DGKI: variants seen among roughly 807,000 people sequenced by gnomAD.
The protein encoded by DGKI is diacylglycerol kinase iota, also known as DAG kinase iota.
In DGKI, 55 loss-of-function variants were observed where a neutral mutation model predicts 147.5. That is an observed-to-expected ratio of 0.37 (90% CI 0.30 to 0.47). DGKI has a LOEUF of 0.47. Ranked by LOEUF, DGKI falls within the 20% of genes least tolerant of loss-of-function variation. DGKI has a pLI of 1.00. For synonymous variants in DGKI, 469 were observed against 477.1 expected (o/e 0.98, Z 0.22); for missense variants, 1,007 against 1,323.8 (o/e 0.76, Z 3.71).
At chr7:137,637,023 C>T (rs60791333) in intron 6 of DGKI, among the ~76,000 whole-genome samples, 4,255 of 152,244 alleles carry the variant, frequency 0.028, 221 homozygotes, top group African/African-American at 0.098. Flanking sequence ...TCAGGTATTG[C>T]TTTATAGCAA....
intron 23 of DGKI, among the ~76,000 whole-genome samples, chr7:137,471,289 G>A (rs1431064642): frequency 1.2e-4 from 18 of 152,154 alleles, no homozygotes. Context: ...GCAGCACTGG[G>A]GTGCGGCTGT....
intron 1 of DGKI, among the ~76,000 whole-genome samples, chr7:137,811,768 C>T (rs762179752): frequency 1.3e-5 from 2 of 152,208 alleles, no homozygotes; most frequent in African/African-American, 4.8e-5. Flanking sequence ...ATGAATTGCC[C>T]ATCCTTTATC....
chr7:137,769,273 A>C (rs10243295), intron 1 of DGKI, among the ~76,000 whole-genome samples: 7,949 of 152,256 alleles, frequency 0.052, 709 homozygotes, highest in African/African-American at 0.18. Context: ...AAGTTCTGTA[A>C]GAAGAGTTTG....
At chr7:137,421,958 G>C (rs535700433) in intron 28 of DGKI, among the ~76,000 whole-genome samples, 10 of 152,266 alleles carry the variant, frequency 6.6e-5, no homozygotes, top group African/African-American at 2.4e-4. Flanking sequence ...ATCAATTTTG[G>C]AGACACAGAT....
intron 28 of DGKI, among the ~76,000 whole-genome samples, chr7:137,423,242 C>T (rs1812650641): frequency 6.6e-6 from 1 of 152,166 alleles, no homozygotes; most frequent in Non-Finnish European, 1.5e-5. Context: ...GTGCTGCTGG[C>T]CTGTAGCTCT....
At chr7:137,459,588 C>G (rs886073674) in intron 27 of DGKI, among the ~76,000 whole-genome samples, 2 of 150,886 alleles carry the variant, frequency 1.3e-5, no homozygotes, top group African/African-American at 4.9e-5. Flanking sequence ...CATTCTCCTG[C>G]CTCAGCCTCC....
intron 1 of DGKI, among the ~76,000 whole-genome samples, chr7:137,780,710 C>G (rs778603853): frequency 6.6e-6 from 1 of 152,156 alleles, no homozygotes; most frequent in Non-Finnish European, 1.5e-5. Flanking sequence ...TATTTTCTTT[C>G]AAGCATCAAG....
At chr7:137,450,408 TA>T (rs1813906414) in intron 27 of DGKI, among the ~76,000 whole-genome samples, 4 of 152,154 alleles carry the variant, frequency 2.6e-5, no homozygotes, top group Admixed American at 2.6e-4. Context: ...ATGTCAATTT[TA>T]AAATTATTTT....
intron 20 of DGKI, among the ~76,000 whole-genome samples, chr7:137,523,243 T>C (rs1287246254): frequency 3.9e-5 from 6 of 151,958 alleles, no homozygotes; most frequent in Non-Finnish European, 8.8e-5. Context: ...CACACACCCA[T>C]TTAATTTCAG....
chr7:137,708,782 A>G (rs1432294848), intron 1 of DGKI, among the ~76,000 whole-genome samples: 1 of 152,254 alleles, frequency 6.6e-6, no homozygotes, highest in Non-Finnish European at 1.5e-5. Flanking sequence ...GAATGGAATG[A>G]TGGGAATAAG....
At chr7:137,628,163 C>T (rs118136779) in intron 6 of DGKI, among the ~76,000 whole-genome samples, 2,238 of 152,158 alleles carry the variant, frequency 0.015, 30 homozygotes, top group South Asian at 0.037. Context: ...GTATCTAGCC[C>T]CACCTCGCTA....
chr7:137,525,337 T>C (rs1298555299), intron 20 of DGKI, among the ~76,000 whole-genome samples: 2 of 152,166 alleles, frequency 1.3e-5, no homozygotes, highest in Non-Finnish European at 1.5e-5. Flanking sequence ...TACTTAAACC[T>C]AGTCTTCTGG....
intron 28 of DGKI, among the ~76,000 whole-genome samples, chr7:137,413,235 C>T (rs940727649): frequency 1.3e-5 from 2 of 148,944 alleles, no homozygotes; most frequent in African/African-American, 5.0e-5. Context: ...CACTGCCCTC[C>T]TGCCCAGGCG....
At chr7:137,681,183 A>C (rs1823224189) in intron 2 of DGKI, among the ~76,000 whole-genome samples, 1 of 152,212 alleles carries the variant, frequency 6.6e-6, no homozygotes, top group African/African-American at 2.4e-5. Flanking sequence ...GACCAGGATC[A>C]TTGCCCTCTA....
At chr7:137,822,102 GAAT>G (rs1272887422) in intron 1 of DGKI, among the ~76,000 whole-genome samples, 1 of 152,174 alleles carries the variant, frequency 6.6e-6, no homozygotes, top group African/African-American at 2.4e-5. Context: ...CCTATCCACT[GAAT>G]AATAATAATT....
chr7:137,753,577 C>T (rs1176512621), intron 1 of DGKI, among the ~76,000 whole-genome samples: 3 of 152,040 alleles, frequency 2.0e-5, no homozygotes, highest in Non-Finnish European at 2.9e-5. Context: ...TAGAGAGGAA[C>T]GGGTTGTAAA....
intron 23 of DGKI, among the ~76,000 whole-genome samples, chr7:137,484,953 A>G (rs116233180): frequency 0.023 from 3,442 of 152,128 alleles, 131 homozygotes; most frequent in African/African-American, 0.078. Context: ...GCCCAGAGGT[A>G]AAATTGACAG....
intron 20 of DGKI, among the ~76,000 whole-genome samples, chr7:137,523,624 A>C (rs774168115): frequency 2.0e-5 from 3 of 152,188 alleles, no homozygotes; most frequent in African/African-American, 4.8e-5. Flanking sequence ...AAATTTGAAA[A>C]GACAGATTCA....
chr7:137,578,417 A>G lies in DGKI; in HGVS notation c.1643-92T>C, dbSNP rs570818997. The G allele has an allele frequency of 4.7e-6, 4 of 847,828 alleles. No homozygotes were observed. In the African/African-American group the frequency reaches 5.0e-5, roughly 11 times the overall value. The allele number at this position is 847,828 out of a possible 1,614,324, so 52.5% of individuals were successfully genotyped here. On this transcript the variant is annotated intron_variant, in intron 15 of 32. Coordinates refer to ENST00000614521, the MANE Select transcript of DGKI (RefSeq NM_001321708.2). ...CCTACTTCCTCCCCAGCTCCCTCCT[A>G]TCCTACAGATCCAATAGATCCCATG...
Sources: allele counts gnomAD v4.1 joint callset (sites outside exome capture counted in the v4.1 genomes callset), GRCh38; gene constraint gnomAD v4.1.1; transcripts MANE v1.5; gene names NCBI Gene and HGNC (gene_info 2026-07-23, HGNC 2026-07-21).